IDE: variants seen among roughly 807,000 people sequenced by gnomAD.
IDE encodes insulin-degrading enzyme.
IDE carries 58 observed loss-of-function variants against 133.2 expected under a neutral mutation model. That is an observed-to-expected ratio of 0.44 (90% CI 0.35 to 0.54). The LOEUF (loss-of-function observed/expected upper bound fraction) is 0.54, where lower values mean the gene tolerates loss of function less well. IDE is among the 20% of genes least tolerant of loss of function. IDE has a pLI of 0.00. For missense variants in IDE, 981 were observed against 1,234.0 expected (o/e 0.79, Z 3.07); for synonymous variants, 396 against 421.3 (o/e 0.94, Z 0.73).
At chr10:92,534,239 G>C (rs1216925741) in intron 3 of IDE, among the ~76,000 whole-genome samples, 1 of 152,192 alleles carries the variant, frequency 6.6e-6, no homozygotes, top group Non-Finnish European at 1.5e-5. Context: ...TGAACGAGGA[G>C]AGAATATTTA....
intron 1 of IDE, among the ~76,000 whole-genome samples, chr10:92,545,703 G>A (rs1012325117): frequency 3.3e-5 from 5 of 152,154 alleles, no homozygotes; most frequent in Non-Finnish European, 5.9e-5. Context: ...TAAAGTCCCA[G>A]GAGGTCCCAA....
In IDE at chr10:92,508,813, G is replaced by A; in HGVS notation, c.975C>T (p.Tyr325=). 2 of 1,613,054 alleles carry A rather than the reference G, an allele frequency of 1.2e-6. No homozygotes were observed. The highest frequency in any genetic ancestry group is 1.7e-6 in the Non-Finnish European group (2 of 1,179,026). ...GATAATGACCAGGATTTGATTTGTA[G>A]TATTTCTGAAGGTCAGGTATGGGAA... ...VTFPIPDLQK[Y]YKSNPGHYLG... The change falls in exon 7 of 25, where the codon TAC becomes TAT. Residue 325 remains tyrosine (Y), a synonymous_variant. Coordinates refer to ENST00000265986, the MANE Select transcript of IDE (RefSeq NM_004969.4).
intron 1 of IDE, among the ~76,000 whole-genome samples, chr10:92,566,532 T>C (rs1381161245): frequency 2.0e-5 from 3 of 152,010 alleles, no homozygotes; most frequent in Non-Finnish European, 2.9e-5. Flanking sequence ...TCACATGTTC[T>C]TACTTATTTG....
chr10:92,466,463 T>G (rs1053301867), intron 19 of IDE, among the ~76,000 whole-genome samples: 3 of 150,868 alleles, frequency 2.0e-5, no homozygotes, highest in Non-Finnish European at 4.4e-5. Context: ...ACTATAGGCA[T>G]GTGCCCCCAC....
intron 1 of IDE, among the ~76,000 whole-genome samples, chr10:92,566,176 C>G (rs1402584983): frequency 7.1e-6 from 1 of 140,168 alleles, no homozygotes; most frequent in Non-Finnish European, 1.5e-5. Context: ...GGCAACATGA[C>G]GAAATCCTGT....
At chr10:92,534,845 AGGTG>A in intron 2 of IDE, 60 bp from the exon 3 acceptor site, 2 of 1,281,714 alleles carry the variant, frequency 1.6e-6, no homozygotes, top group Non-Finnish European at 2.2e-6. Flanking sequence ...TAGTAAGTAC[AGGTG>A]ATTTGTAGTT....
At chr10:92,498,573 T>C (rs571450691) in intron 11 of IDE, among the ~76,000 whole-genome samples, 39 of 151,288 alleles carry the variant, frequency 2.6e-4, no homozygotes, top group Non-Finnish European at 5.2e-4. Context: ...TTGGCCAACA[T>C]AGCAAAACCC....
At chr10:92,514,462 A>C (rs1209542442) in intron 5 of IDE, among the ~76,000 whole-genome samples, 1 of 150,456 alleles carries the variant, frequency 6.6e-6, no homozygotes, top group Non-Finnish European at 1.5e-5. Context: ...TTAATATGAG[A>C]TCTCTCTCTG....
intron 1 of IDE, among the ~76,000 whole-genome samples, chr10:92,563,405 T>C (rs902311030): frequency 1.3e-5 from 2 of 149,076 alleles, no homozygotes; most frequent in Non-Finnish European, 3.0e-5. Flanking sequence ...TGAGCCAAGA[T>C]TGCACCATTG....
chr10:92,553,345 A>G (rs531875100), intron 1 of IDE, among the ~76,000 whole-genome samples: 1 of 151,852 alleles, frequency 6.6e-6, no homozygotes, highest in Admixed American at 6.6e-5. Flanking sequence ...AATTGCTTGA[A>G]CTTGGGAGGC....
intron 1 of IDE, among the ~76,000 whole-genome samples, chr10:92,550,825 G>A (rs1221895728): frequency 2.0e-5 from 3 of 152,144 alleles, no homozygotes; most frequent in South Asian, 2.1e-4. Context: ...AGCCGAGATC[G>A]TGCCATTGCA....
At chr10:92,500,719 C>G (rs1847959188) in intron 11 of IDE, among the ~76,000 whole-genome samples, 1 of 151,640 alleles carries the variant, frequency 6.6e-6, no homozygotes, top group Non-Finnish European at 1.5e-5. Context: ...CTAATGTCCT[C>G]AAATCTAGTG....
intron 1 of IDE, among the ~76,000 whole-genome samples, chr10:92,566,411 T>TCA (rs531974780): frequency 0.097 from 13,801 of 142,558 alleles, 877 homozygotes; most frequent in African/African-American, 0.19. Context: ...TCTCTCTCTC[T>TCA]CTCACACACA....
At chr10:92,491,929 C>A (rs892902367) in intron 11 of IDE, among the ~76,000 whole-genome samples, 1 of 151,768 alleles carries the variant, frequency 6.6e-6, no homozygotes, top group African/African-American at 2.4e-5. Context: ...TTTTTTGATG[C>A]GACAGTAGAA....
chr10:92,466,527 C>T (rs562323436), intron 19 of IDE, among the ~76,000 whole-genome samples: 6 of 151,958 alleles, frequency 3.9e-5, no homozygotes, highest in South Asian at 4.2e-4. Context: ...ATGTTGGCCA[C>T]GCTGGTCTTG....
chr10:92,462,090 T>C (rs978625780), intron 21 of IDE, among the ~76,000 whole-genome samples: 1 of 151,254 alleles, frequency 6.6e-6, no homozygotes, highest in Non-Finnish European at 1.5e-5. Context: ...CCAAGGTAGG[T>C]GGATCACTCG....
chr10:92,495,977 C>T (rs558194196), intron 11 of IDE, among the ~76,000 whole-genome samples: 2 of 151,748 alleles, frequency 1.3e-5, no homozygotes, highest in Non-Finnish European at 1.5e-5. Flanking sequence ...TGGGTTCAAG[C>T]GATTTCCATG....
At chr10:92,464,032 C>A (rs773082018) in intron 20 of IDE, 29 bp from the exon 21 acceptor site, 1 of 1,587,764 alleles carries the variant, frequency 6.3e-7, no homozygotes, top group Non-Finnish European at 8.6e-7. Context: ...CCAGTCATGA[C>A]CGTGGCATTT....
At chr10:92,516,462 C>T (rs890021274) in intron 4 of IDE, among the ~76,000 whole-genome samples, 1 of 152,110 alleles carries the variant, frequency 6.6e-6, no homozygotes, top group Non-Finnish European at 1.5e-5. Context: ...CCACTGCACT[C>T]CTGGGCAACA....
Sources: gnomAD v4.1 joint callset for allele counts (sites outside exome capture counted in the v4.1 genomes callset) on GRCh38, gnomAD v4.1.1 for gene constraint, MANE v1.5 for transcripts, NCBI Gene and HGNC (gene_info 2026-07-23, HGNC 2026-07-21) for gene names.